Variants in ZSWIM6 observed in about 807,000 individuals in gnomAD.
ZSWIM6 encodes zinc finger SWIM-type containing 6, also known as zinc finger SWIM domain-containing protein 6.
A neutral mutation model predicts 113.2 loss-of-function variants in ZSWIM6; 9 were observed. That is an observed-to-expected ratio of 0.08 (90% CI 0.05 to 0.14). The LOEUF is 0.14. Among genes scored for constraint, ZSWIM6 ranks in the 10% least tolerant of loss-of-function variants. The pLI, the probability that ZSWIM6 is intolerant of heterozygous loss-of-function variation, is 1.00. For missense variants in ZSWIM6, 1,162 were observed against 1,552.2 expected (o/e 0.75, Z 4.22); for synonymous variants, 611 against 606.5 (o/e 1.01, Z -0.11).
chr5:61,422,035 C>T (rs1579988352), intron 1 of ZSWIM6, among the ~76,000 whole-genome samples: 1 of 152,290 alleles, frequency 6.6e-6, no homozygotes, highest in East Asian at 1.9e-4. Flanking sequence ...TTGATCGTTT[C>T]CTTTGCTGTG....
chr5:61,419,683 A>C (rs528404515), intron 1 of ZSWIM6, among the ~76,000 whole-genome samples: 11 of 152,350 alleles, frequency 7.2e-5, no homozygotes, highest in African/African-American at 2.6e-4. Context: ...AAATTCTATT[A>C]GACAGCACTG....
At chr5:61,336,148 C>T (rs1194795385) in intron 1 of ZSWIM6, among the ~76,000 whole-genome samples, 1 of 152,050 alleles carries the variant, frequency 6.6e-6, no homozygotes, top group Non-Finnish European at 1.5e-5. Context: ...TCTGTGGTCC[C>T]AGCTACTTGG....
chr5:61,337,017 A>AT (rs1744413673), intron 1 of ZSWIM6, among the ~76,000 whole-genome samples: 2 of 151,722 alleles, frequency 1.3e-5, no homozygotes, highest in Non-Finnish European at 2.9e-5. Flanking sequence ...GTGATGGCTC[A>AT]TGCCTGTAAT....
chr5:61,411,832 C>G (rs762457341), intron 1 of ZSWIM6, among the ~76,000 whole-genome samples: 11 of 152,188 alleles, frequency 7.2e-5, no homozygotes, highest in Non-Finnish European at 1.2e-4. Context: ...ACCTACTTAA[C>G]CTTGTAAAGG....
chr5:61,347,371 CT>C, intron 1 of ZSWIM6: 1 of 174,076 alleles, frequency 5.7e-6, no homozygotes. Context: ...CACCAGGTGT[CT>C]TTGTTAAGTG....
Position 61,333,718 on chromosome 5 carries a change from C to T in ZSWIM6, c.676+770C>T, listed in dbSNP as rs951154098. Among the ~76,000 whole-genome samples, 30 of 152,212 alleles carry T rather than the reference C, an allele frequency of 2.0e-4. No individual in the cohort carries two copies. In the East Asian group the frequency reaches 2.9e-3, roughly 15 times the overall value. On this transcript the variant is annotated intron_variant, in intron 1 of 13. Coordinates refer to ENST00000252744, the MANE Select transcript of ZSWIM6 (RefSeq NM_020928.2). ...CGTAGGACGCTTACTAATTAAAGGG[C>T]GCGAGCCTGAGGAGGAGCTGCTAGC... is the stretch of plus-strand genomic sequence containing the variant.
chr5:61,469,884 T>G (rs996260178), intron 1 of ZSWIM6, among the ~76,000 whole-genome samples: 6 of 152,176 alleles, frequency 3.9e-5, no homozygotes, highest in African/African-American at 4.8e-5. Context: ...ATTTTTTGTA[T>G]TTTTAGTAGA....
At chr5:61,381,939 G>T (rs946867818) in intron 1 of ZSWIM6, among the ~76,000 whole-genome samples, 1 of 152,150 alleles carries the variant, frequency 6.6e-6, no homozygotes, top group African/African-American at 2.4e-5. Context: ...AAATGAATTT[G>T]GTTGTAGCTA....
At chr5:61,359,092 G>T (rs1744979818) in intron 1 of ZSWIM6, among the ~76,000 whole-genome samples, 1 of 152,174 alleles carries the variant, frequency 6.6e-6, no homozygotes, top group Non-Finnish European at 1.5e-5. Context: ...ATGGTTTGGT[G>T]AAATGCTTAA....
chr5:61,417,356 C>G (rs1460273843), intron 1 of ZSWIM6, among the ~76,000 whole-genome samples: 1 of 152,168 alleles, frequency 6.6e-6, no homozygotes, highest in Non-Finnish European at 1.5e-5. Flanking sequence ...AGCGTGCCAA[C>G]TAAAATTATT....
In ZSWIM6 at chr5:61,386,419, G is replaced by A. The variant is rs189349854; in HGVS notation, c.676+53471G>A. On this transcript the variant is annotated intron_variant, in intron 1 of 13. Transcript: ENST00000252744. The stretch of plus-strand genomic sequence containing the variant: ...TGCAAAGCTTTTTGGAGCAGGTGTG[G>A]AGCAATGAATAGTCTTTTTAATTTC... 1.8e-4 allele frequency among the ~76,000 whole-genome samples: 28 copies of A among 152,328 alleles called. No homozygotes were observed. The East Asian group carries it at 5.0e-3, about 27-fold the overall frequency.
At chr5:61,437,717 CAA>C (rs1177075747) in intron 1 of ZSWIM6, among the ~76,000 whole-genome samples, 31 of 56,856 alleles carry the variant, frequency 5.5e-4, no homozygotes, top group African/African-American at 1.1e-3. Context: ...ACCCTTTCTC[CAA>C]AAAAAAAAAA....
At chr5:61,475,861 C>G (rs13160801) in intron 2 of ZSWIM6, among the ~76,000 whole-genome samples, 58,284 of 152,032 alleles carry the variant, frequency 0.38, 11,317 homozygotes, top group South Asian at 0.45. Context: ...TGTATGTAAG[C>G]CACTCTCTTT....
intron 1 of ZSWIM6, among the ~76,000 whole-genome samples, chr5:61,449,915 A>G (rs1051208969): frequency 2.0e-5 from 3 of 152,224 alleles, no homozygotes; most frequent in African/African-American, 7.2e-5. Flanking sequence ...GACTGAATGT[A>G]TGAATAATCA....
chr5:61,393,764 C>T (rs1380331970), intron 1 of ZSWIM6, among the ~76,000 whole-genome samples: 6 of 151,414 alleles, frequency 4.0e-5, no homozygotes, highest in East Asian at 1.9e-4. Context: ...TACTTTTAGA[C>T]GGAATGTACT....
Position 61,389,529 on chromosome 5 carries a change from C to T in ZSWIM6, c.676+56581C>T, listed in dbSNP as rs113225806. On this transcript the variant is annotated intron_variant, in intron 1 of 13. Transcript: ENST00000252744. ...GAGATTGCACCACTGCACATGAGCC[C>T]AGGCGACAGTGCAAGACTCAGTCTC... Among the ~76,000 whole-genome samples, 61 of 127,830 alleles carry T rather than the reference C, an allele frequency of 4.8e-4. 2 individuals are homozygous for T. The highest frequency in any genetic ancestry group is 1.9e-3 in the African/African-American group (61 of 32,422). The allele number at this position is 127,830 out of a possible 152,430, so 83.9% of individuals were successfully genotyped here.
At chr5:61,445,006 C>G (rs368523976) in intron 1 of ZSWIM6, among the ~76,000 whole-genome samples, 26 of 152,196 alleles carry the variant, frequency 1.7e-4, no homozygotes, top group South Asian at 2.1e-4. Flanking sequence ...TGCAGAAACC[C>G]TATCATTCTA....
At position 61,341,772 on chromosome 5, in the gene ZSWIM6, C is replaced by T. The variant is rs530305302; in HGVS notation, c.676+8824C>T. Among the ~76,000 whole-genome samples, 11 of 151,890 alleles carry T rather than the reference C, an allele frequency of 7.2e-5. No individual in the cohort carries two copies. The East Asian group carries it at 9.7e-4, about 13-fold the overall frequency. On this transcript the variant is annotated intron_variant, in intron 1 of 13. Coordinates refer to ENST00000252744, the MANE Select transcript of ZSWIM6 (RefSeq NM_020928.2). Reference sequence around the variant, plus strand: ...GTCAACGTGCCTCCTCCTCCTTCACCGGTAAATAGTATACACATAATCCTT... The same window carrying T: ...GTCAACGTGCCTCCTCCTCCTTCACTGGTAAATAGTATACACATAATCCTT...
Position 61,543,886 on chromosome 5 carries a change from T to C in ZSWIM6, c.3217T>C (p.Leu1073=). The C allele has an allele frequency of 6.4e-7, 1 of 1,551,968 alleles. No individual in the cohort carries two copies. The highest frequency in any genetic ancestry group is 8.7e-7 in the Non-Finnish European group (1 of 1,147,050). Residue 1073 remains leucine (L), a synonymous_variant, in exon 14 of 14, where the codon TTG becomes CTG. Transcript: ENST00000252744. This position sits in a 1 kb window ranked among gnomAD's most constrained non-coding sequence, Gnocchi z 4.3. The part of the protein sequence containing the change: ...QDTHPAINDV[L]WACALSHSLG... ...CACACACCCTGCCATTAATGATGTT[T>C]TGTGGGCCTGTGCGCTTAGCCACTC... is the stretch of plus-strand genomic sequence containing the variant.
Sources: gnomAD v4.1 joint callset for allele counts (sites outside exome capture counted in the v4.1 genomes callset) on GRCh38, gnomAD v4.1.1 for gene constraint, Gnocchi (gnomAD v3.1) non-coding constraint, MANE v1.5 for transcripts, NCBI Gene and HGNC (gene_info 2026-07-23, HGNC 2026-07-21) for gene names.